Variants in CHD2 observed in about 807,000 individuals in gnomAD.
The protein encoded by CHD2 is chromodomain helicase DNA binding protein 2, also known as ATP-dependent chromatin remodeler CHD2.
A neutral mutation model predicts 243.9 loss-of-function variants in CHD2; 28 were observed. The ratio of observed to expected loss-of-function variants is 0.11; its 90% CI spans 0.09 to 0.16. The LOEUF (loss-of-function observed/expected upper bound fraction) is 0.16. Ranked by LOEUF, CHD2 falls within the 10% of genes least tolerant of loss-of-function variation. CHD2 has a pLI of 1.00. For missense variants in CHD2, 1,386 were observed against 2,209.8 expected, an observed-to-expected ratio of 0.63 and a Z score of 7.47; for synonymous variants, 775 against 779.0, an observed-to-expected ratio of 0.99 and a Z score of 0.09.
At chr15:92,940,641 G>A (rs2053346102) in intron 7 of CHD2, among the ~76,000 whole-genome samples, 1 of 150,984 alleles carries the variant, frequency 6.6e-6, no homozygotes, top group African/African-American at 2.4e-5. Context: ...ACTGGGCTTT[G>A]AGTATGCTAG....
rs1264681486 is a variant in CHD2 at position 93,002,243 on chromosome 15, G to C, written c.4204G>C (p.Glu1402Gln). The C allele has an allele frequency of 6.2e-7, 1 of 1,602,414 alleles. No individual in the cohort carries two copies. Among genetic ancestry groups the C allele is most frequent in the Non-Finnish European group, 8.5e-7 (1 of 1,174,078 alleles). Reference protein sequence around the residue: ...QKKKENKENKEKQMSSRKDKE... With the variant: ...QKKKENKENKQKQMSSRKDKE... ...GAAGAAAGAGAACAAGGAGAACAAG[G>C]AGAAACAAATGAGTTCTAGGAAAGA... The change falls in exon 33 of 39, where the codon GAG (glutamate) becomes CAG (glutamine). Residue 1402 changes from glutamate to glutamine, a missense_variant. Coordinates refer to ENST00000394196, the MANE Select transcript of CHD2 (RefSeq NM_001271.4).
chr15:92,940,982 A>T (rs1267552233), intron 7 of CHD2, among the ~76,000 whole-genome samples: 6 of 125,810 alleles, frequency 4.8e-5, no homozygotes, highest in Admixed American at 3.9e-4. Flanking sequence ...TATAAATATA[A>T]ATATATATAT....
At chr15:92,919,513 C>T (rs2052913261) in intron 2 of CHD2, among the ~76,000 whole-genome samples, 1 of 152,038 alleles carries the variant, frequency 6.6e-6, no homozygotes, top group Non-Finnish European at 1.5e-5. Flanking sequence ...CTGCCTCAGC[C>T]TCCCGAGTAG....
chr15:93,006,514 G>T (rs1350674703), intron 34 of CHD2, among the ~76,000 whole-genome samples: 3 of 152,196 alleles, frequency 2.0e-5, no homozygotes, highest in African/African-American at 7.2e-5. Flanking sequence ...TACTGCTTAA[G>T]TCTGTAAAGA....
chr15:92,999,344 C>G (rs1476300200), intron 31 of CHD2, among the ~76,000 whole-genome samples: 2 of 152,040 alleles, frequency 1.3e-5, no homozygotes, highest in African/African-American at 2.4e-5. Flanking sequence ...TAGTGGATCC[C>G]AGAGATAAAA....
intron 38 of CHD2, among the ~76,000 whole-genome samples, chr15:93,022,732 C>T (rs2054547939): frequency 6.6e-6 from 1 of 152,230 alleles, no homozygotes; most frequent in Non-Finnish European, 1.5e-5. Context: ...GGTTCCCCAT[C>T]CCTCACCTTG....
At chr15:92,905,075 T>C in intron 2 of CHD2, 1 of 1,368,944 alleles carries the variant, frequency 7.3e-7, no homozygotes, top group Non-Finnish European at 9.9e-7. Context: ...AAATAGAAAA[T>C]TTCACGTTCA....
In CHD2 at chr15:93,009,307, A is replaced by G. The variant is rs2054360821; in HGVS notation, c.4576A>G (p.Ile1526Val). The G allele has an allele frequency of 1.2e-6, 2 of 1,614,108 alleles. No homozygotes were observed. Among genetic ancestry groups the G allele is most frequent in the East Asian group, 2.2e-5 (1 of 44,878 alleles). ...TAAAGCCTACTCAGATCAGGAGCAC[A>G]TCAAACTCTGGAGGAGGTAACCACT... ...CLKAYSDQEH[I>V]KLWRRNLWIF... Residue 1526 changes from isoleucine to valine, a missense_variant, in exon 35 of 39, where the codon ATC becomes GTC. This residue lies in a region of CHD2 where 42 missense variants were observed against 47.6 expected (regional missense o/e 0.88). Coordinates refer to ENST00000394196, the MANE Select transcript of CHD2 (RefSeq NM_001271.4).
chr15:93,000,278 G>A (rs1038912680), intron 31 of CHD2, among the ~76,000 whole-genome samples: 3 of 151,858 alleles, frequency 2.0e-5, no homozygotes, highest in African/African-American at 2.4e-5. Flanking sequence ...AAAAAAAAAC[G>A]AAAAAGGAAT....
intron 1 of CHD2, 26 bp from the exon 2 acceptor site, chr15:92,901,141 C>G: frequency 1.4e-6 from 1 of 737,136 alleles, no homozygotes. Flanking sequence ...AAGCCGGGAC[C>G]TTACCTTTCT....
chr15:92,923,969 T>TA (rs2053009878), intron 2 of CHD2, among the ~76,000 whole-genome samples: 1 of 152,168 alleles, frequency 6.6e-6, no homozygotes, highest in Non-Finnish European at 1.5e-5. Context: ...TTTCAAATCT[T>TA]ACTGTGTTAA....
At chr15:92,901,130 G>T (rs1032090461) in intron 1 of CHD2, 37 bp from the exon 2 acceptor site, 1 of 698,300 alleles carries the variant, frequency 1.4e-6, no homozygotes, top group Non-Finnish European at 2.6e-6. Context: ...AGCATCGATA[G>T]AAGCCGGGAC....
rs756874811 is a variant in CHD2 at position 92,939,527 on chromosome 15, C to T, written c.552-51C>T. Reference sequence around the variant, plus strand: ...GGGAAATACTGTTATATAAAGTAGACACCAAATGATAAAGTGAAGACTTAG... The same window carrying T: ...GGGAAATACTGTTATATAAAGTAGATACCAAATGATAAAGTGAAGACTTAG... On this transcript the variant is annotated intron_variant, in intron 6 of 38. Coordinates refer to ENST00000394196, the MANE Select transcript of CHD2 (RefSeq NM_001271.4). The T allele has an allele frequency of 1.4e-5, 22 of 1,577,378 alleles. No individual in the cohort carries two copies. The South Asian group carries it at 2.3e-4, about 17-fold the overall frequency.
At chr15:92,962,159 C>T (rs577815032) in intron 16 of CHD2, among the ~76,000 whole-genome samples, 27 of 152,036 alleles carry the variant, frequency 1.8e-4, no homozygotes, top group Non-Finnish European at 3.4e-4. Flanking sequence ...GGATTGCAGG[C>T]GTGAGCCCCC....
At chr15:92,929,228 T>C (rs913891565) in intron 5 of CHD2, 137 bp downstream of exon 5, 2 of 745,196 alleles carry the variant, frequency 2.7e-6, no homozygotes, top group Non-Finnish European at 4.4e-6. Flanking sequence ...CTCGGGTGAC[T>C]GTCTACCTTG....
At chr15:92,909,312 T>G (rs1301512303) in intron 2 of CHD2, among the ~76,000 whole-genome samples, 1 of 152,170 alleles carries the variant, frequency 6.6e-6, no homozygotes, top group Non-Finnish European at 1.5e-5. Context: ...CATTCTAAAC[T>G]TCCTTTCCCT....
chr15:92,940,938 AAT>A lies in CHD2; in HGVS notation c.693-876_693-875del, dbSNP rs1393639495. Among the ~76,000 whole-genome samples the A allele has an allele frequency of 1.7e-4, 23 of 136,748 alleles. No homozygotes were observed. In the East Asian group the frequency reaches 4.0e-3, roughly 24 times the overall value. The allele number at this position is 136,748 out of a possible 152,430, so 89.7% of individuals were successfully genotyped here. A position where few individuals can be genotyped will look rare whatever the true frequency, so the allele number is the denominator to read the frequency against. On this transcript the variant is annotated intron_variant, in intron 7 of 38. Transcript: ENST00000394196. ...TAAATATACATATAAATATATATAAAATATATATAAATATAAATATATATAAA... is the reference window on the plus strand; with the variant it reads ...TAAATATACATATAAATATATATAAAATATATAAATATAAATATATATAAA...
chr15:93,010,366 T>C lies in CHD2; in HGVS notation c.4592+1043T>C, dbSNP rs551663682. 8.7e-4 allele frequency among the ~76,000 whole-genome samples: 133 copies of C among 152,268 alleles called. 1 individual carries two copies. In the Middle Eastern group the frequency reaches 0.024, roughly 27 times the overall value. ...CCCAGTAGTGGGATTGCTGGATATA[T>C]ATCCACTGTCCACTTTGGATATTTT... On this transcript the variant is annotated intron_variant, in intron 35 of 38. Coordinates refer to ENST00000394196, the MANE Select transcript of CHD2 (RefSeq NM_001271.4).
At chr15:92,976,243 A>G (rs1164849489) in intron 20 of CHD2, among the ~76,000 whole-genome samples, 1 of 152,174 alleles carries the variant, frequency 6.6e-6, no homozygotes, top group East Asian at 1.9e-4. Context: ...ACTCACTATG[A>G]TGGCTATATA....
Sources: gnomAD v4.1 joint callset for allele counts (sites outside exome capture counted in the v4.1 genomes callset) on GRCh38, gnomAD v4.1.1 for gene constraint, gnomAD v4.1.1 regional missense constraint, MANE v1.5 for transcripts, NCBI Gene and HGNC (gene_info 2026-07-23, HGNC 2026-07-21) for gene names.